The following SLC35F1 variants were observed in gnomAD, a reference collection of about 807,000 sequenced individuals.
The protein encoded by SLC35F1 is solute carrier family 35 member F1.
SLC35F1 carries 14 observed loss-of-function variants against 48.7 expected under a neutral mutation model. That is an observed-to-expected ratio of 0.29 (90% CI 0.19 to 0.45). The LOEUF (loss-of-function observed/expected upper bound fraction) is 0.45. Ranked by LOEUF, SLC35F1 falls within the 20% of genes least tolerant of loss-of-function variation. SLC35F1 has a pLI of 1.00. For missense variants in SLC35F1, 404 were observed against 500.0 expected, an observed-to-expected ratio of 0.81 and a Z score of 1.83; for synonymous variants, 190 against 202.2, an observed-to-expected ratio of 0.94 and a Z score of 0.51.
chr6:118,213,253 A>C (rs1347475285), intron 2 of SLC35F1, among the ~76,000 whole-genome samples: 2 of 152,216 alleles, frequency 1.3e-5, no homozygotes, highest in Non-Finnish European at 2.9e-5. Context: ...CTGTACTAGC[A>C]GTCATTTAAG....
At chr6:118,310,886 C>T (rs1163609382) in intron 7 of SLC35F1, among the ~76,000 whole-genome samples, 1 of 152,198 alleles carries the variant, frequency 6.6e-6, no homozygotes, top group Non-Finnish European at 1.5e-5. Flanking sequence ...CAGTACATTA[C>T]AATAGCGAGG....
chr6:118,113,327 T>C (rs977225402), intron 1 of SLC35F1, among the ~76,000 whole-genome samples: 1 of 152,130 alleles, frequency 6.6e-6, no homozygotes, highest in Non-Finnish European at 1.5e-5. Context: ...CCTTAAGTGA[T>C]CCTCTTGACC....
intron 1 of SLC35F1, among the ~76,000 whole-genome samples, chr6:117,924,383 G>A (rs1346540134): frequency 1.6e-5 from 2 of 126,482 alleles, no homozygotes; most frequent in African/African-American, 6.4e-5. Flanking sequence ...ACATGCATAT[G>A]TATATACACA....
Position 118,285,258 on chromosome 6 carries a change from A to G in SLC35F1, c.922A>G (p.Ser308Gly). Residue 308 changes from serine (S) to glycine (G), a missense_variant, in exon 7 of 8, where the codon AGT (serine) becomes GGT (glycine). Physicochemically the swap from Ser to Gly is moderately conservative, Grantham distance 56. Transcript: ENST00000360388. Reference sequence around the variant, plus strand: ...TATGCCAGTCGTCATAAAGAAAACCAGTGCCACTTCAGTCAACCTCTCCTT... The same window carrying G: ...TATGCCAGTCGTCATAAAGAAAACCGGTGCCACTTCAGTCAACCTCTCCTT... ...SFMPVVIKKT[S>G]ATSVNLSLLT... 1.2e-6 allele frequency: 2 copies of G among 1,614,050 alleles called. No homozygotes were observed. Among genetic ancestry groups the G allele is most frequent in the Non-Finnish European group, 1.7e-6 (2 of 1,179,914 alleles).
At chr6:117,914,187 TAGAG>T (rs991042594) in intron 1 of SLC35F1, among the ~76,000 whole-genome samples, 14 of 151,900 alleles carry the variant, frequency 9.2e-5, no homozygotes, top group Admixed American at 7.9e-4. Context: ...TGTATATATA[TAGAG>T]AGAGTTTCTA....
chr6:118,146,481 A>G (rs1773974803), intron 1 of SLC35F1, among the ~76,000 whole-genome samples: 1 of 152,152 alleles, frequency 6.6e-6, no homozygotes. Flanking sequence ...ATGACATGCC[A>G]ACTTCTCAAA....
intron 1 of SLC35F1, among the ~76,000 whole-genome samples, chr6:118,116,303 A>T (rs970152539): frequency 3.3e-5 from 5 of 152,188 alleles, no homozygotes; most frequent in African/African-American, 1.2e-4. Context: ...ATACCTAGAG[A>T]AGCAGATGAC....
chr6:118,217,307 AGAAAT>A (rs1044394983), intron 2 of SLC35F1, among the ~76,000 whole-genome samples: 2 of 152,210 alleles, frequency 1.3e-5, no homozygotes, highest in African/African-American at 4.8e-5. Flanking sequence ...AGCCTTAAAA[AGAAAT>A]GAAATTCTGA....
At position 118,281,611 on chromosome 6, in the gene SLC35F1, T is replaced by TG. The variant is rs1342237631; in HGVS notation, c.848-3572dup. 2.0e-5 allele frequency among the ~76,000 whole-genome samples: 3 copies of TG among 152,218 alleles called. No homozygotes were observed. The East Asian group carries it at 5.8e-4, about 29-fold the overall frequency. On this transcript the variant is annotated intron_variant, in intron 6 of 7. Coordinates refer to ENST00000360388, the MANE Select transcript of SLC35F1 (RefSeq NM_001029858.4). The stretch of plus-strand genomic sequence containing the variant: ...CCTCTAGATGTGGCTGAGTCTCCTC[T>TG]GTGATTCTACCCCTGCTGGGCTTCC...
At chr6:117,923,659 G>GTACATATATACATATGTA (rs1775946934) in intron 1 of SLC35F1, among the ~76,000 whole-genome samples, 3 of 28,838 alleles carry the variant, frequency 1.0e-4, no homozygotes, top group Non-Finnish European at 2.0e-4. Flanking sequence ...ATGTACATAT[G>GTACATATATACATATGTA]TATATATACA....
At chr6:118,077,841 C>A (rs566033032) in intron 1 of SLC35F1, among the ~76,000 whole-genome samples, 46 of 152,320 alleles carry the variant, frequency 3.0e-4, no homozygotes, top group African/African-American at 1.1e-3. Flanking sequence ...AAATCACAGT[C>A]TAAAGACCTT....
At chr6:118,133,799 C>A (rs1773752304) in intron 1 of SLC35F1, among the ~76,000 whole-genome samples, 1 of 152,152 alleles carries the variant, frequency 6.6e-6, no homozygotes, top group African/African-American at 2.4e-5. Flanking sequence ...GGTGACCATA[C>A]CTGCCGTGAC....
At chr6:118,231,291 A>G (rs17079862) in intron 2 of SLC35F1, among the ~76,000 whole-genome samples, 51,456 of 152,046 alleles carry the variant, frequency 0.34, 9,302 homozygotes, top group East Asian at 0.67. Context: ...GGATTTTATT[A>G]CTTCTCCCAG....
At chr6:117,942,762 T>G (rs754664883) in intron 1 of SLC35F1, among the ~76,000 whole-genome samples, 2 of 152,222 alleles carry the variant, frequency 1.3e-5, no homozygotes, top group Non-Finnish European at 2.9e-5. Flanking sequence ...TTTTGTGTTA[T>G]TTCTACTAAA....
intron 1 of SLC35F1, among the ~76,000 whole-genome samples, chr6:117,927,616 G>C (rs1329100343): frequency 6.6e-6 from 1 of 152,170 alleles, no homozygotes; most frequent in Non-Finnish European, 1.5e-5. Flanking sequence ...GCTGATGAAA[G>C]TAGGTGTACA....
chr6:118,233,377 CAGA>C (rs765137384), intron 2 of SLC35F1, among the ~76,000 whole-genome samples: 3 of 152,174 alleles, frequency 2.0e-5, no homozygotes, highest in Non-Finnish European at 4.4e-5. Context: ...TAAGGCAAGT[CAGA>C]GAGGCAGAAG....
intron 1 of SLC35F1, among the ~76,000 whole-genome samples, chr6:117,987,893 G>A (rs1272562875): frequency 1.3e-5 from 2 of 152,056 alleles, no homozygotes; most frequent in South Asian, 2.1e-4. Flanking sequence ...TGCAGTCCAG[G>A]CAGTGAACTT....
At chr6:118,045,054 T>C (rs1329145242) in intron 1 of SLC35F1, among the ~76,000 whole-genome samples, 3 of 152,206 alleles carry the variant, frequency 2.0e-5, no homozygotes, top group Non-Finnish European at 4.4e-5. Context: ...TGATGAGAAG[T>C]TTTTAAAATA....
intron 2 of SLC35F1, among the ~76,000 whole-genome samples, chr6:118,167,447 A>C (rs1774335199): frequency 6.6e-6 from 1 of 152,226 alleles, no homozygotes; most frequent in Non-Finnish European, 1.5e-5. Flanking sequence ...TATATGGTAA[A>C]GCCTATTGCT....
Sources: gnomAD v4.1 joint callset for allele counts (sites outside exome capture counted in the v4.1 genomes callset) on GRCh38, gnomAD v4.1.1 for gene constraint, MANE v1.5 for transcripts, NCBI Gene and HGNC (gene_info 2026-07-23, HGNC 2026-07-21) for gene names.